ODAM: variants seen among roughly 807,000 people sequenced by gnomAD.
ODAM encodes odontogenic ameloblast-associated protein.
ODAM carries 55 observed loss-of-function variants against 48.5 expected under a neutral mutation model. The observed-to-expected ratio is 1.13, with a 90% CI of 0.91 to 1.42. ODAM has a LOEUF of 1.42. Among genes scored for constraint, ODAM ranks in the 40% most tolerant of loss-of-function variants. The pLI is 0.00. For missense variants in ODAM, 353 were observed against 323.6 expected, an observed-to-expected ratio of 1.09 and a Z score of -0.70; for synonymous variants, 127 against 107.8, an observed-to-expected ratio of 1.18 and a Z score of -1.10.
At chr4:70,199,642 G>T (rs1016801917) in intron 6 of ODAM, among the ~76,000 whole-genome samples, 55 of 151,816 alleles carry the variant, frequency 3.6e-4, no homozygotes, top group African/African-American at 1.1e-3. Flanking sequence ...AATTACAGAC[G>T]TCTGAACCCT....
chr4:70,202,406 T>G, intron 9 of ODAM, 77 bp downstream of exon 9: 2 of 1,130,558 alleles, frequency 1.8e-6, no homozygotes, highest in Non-Finnish European at 1.3e-6. Flanking sequence ...TTCATTTTAA[T>G]ATCAACTCTG....
chr4:70,202,945 C>CA (rs764711283), intron 10 of ODAM, 28 bp downstream of exon 10: 7 of 1,575,942 alleles, frequency 4.4e-6, no homozygotes, highest in East Asian at 2.3e-5. Flanking sequence ...TCACTTTATG[C>CA]AAAAAAATTG....
intron 7 of ODAM, among the ~76,000 whole-genome samples, chr4:70,201,018 T>C (rs1729482703): frequency 6.6e-6 from 1 of 151,992 alleles, no homozygotes; most frequent in South Asian, 2.1e-4. Context: ...GAGATACAAT[T>C]AGATACCATT....
At position 70,201,473 on chromosome 4, in the gene ODAM, T is replaced by C. The variant is rs199732114; in HGVS notation, c.548T>C (p.Phe183Ser). ...TGACAGATACCATTCTATGCTCAAT[T>C]TGGATACATTCCACAACTAGCAGAA... Reference protein sequence around the residue: ...YEEQIPFYAQFGYIPQLAEPA... With the variant: ...YEEQIPFYAQSGYIPQLAEPA... Residue 183 changes from phenylalanine (F) to serine (S), a missense_variant, in exon 8 of 12, where the codon TTT (phenylalanine) becomes TCT (serine). Coordinates refer to ENST00000683306, the MANE Select transcript of ODAM (RefSeq NM_017855.4). 35 of 1,520,250 alleles carry C rather than the reference T, an allele frequency of 2.3e-5. No homozygotes were observed. Among genetic ancestry groups the C allele is most frequent in the Non-Finnish European group, 3.1e-5 (34 of 1,100,542 alleles). The allele number at this position is 1,520,250 out of a possible 1,614,324, so 94.2% of individuals were successfully genotyped here. A position where few individuals can be genotyped will look rare whatever the true frequency, so the allele number is the denominator to read the frequency against.
intron 3 of ODAM, 66 bp from the exon 4 acceptor site, chr4:70,197,208 T>G: frequency 2.5e-6 from 2 of 791,972 alleles, no homozygotes; most frequent in East Asian, 2.5e-5. Flanking sequence ...ATATTTGCAG[T>G]AAACATTGTT....
chr4:70,201,500 C>G lies in ODAM; in HGVS notation c.575C>G (p.Pro192Arg), dbSNP rs751616425. ...QFGYIPQLAE[P>R]AISGGQQQLA... ...GGATACATTCCACAACTAGCAGAAC[C>G]TGTAAGTAAATGCATATTTTTCATT... Residue 192 changes from proline (P) to arginine (R), a missense_variant and splice_region_variant, in exon 8 of 12, where the codon CCT becomes CGT. Coordinates refer to ENST00000683306, the MANE Select transcript of ODAM (RefSeq NM_017855.4). 7 of 1,483,914 alleles carry G rather than the reference C, an allele frequency of 4.7e-6. No homozygotes were observed. The Middle Eastern group carries it at 6.9e-4, about 145-fold the overall frequency. The allele number at this position is 1,483,914 out of a possible 1,614,324, so 91.9% of individuals were successfully genotyped here.
intron 1 of ODAM, 65 bp from the exon 2 acceptor site, chr4:70,196,464 A>T: frequency 1.2e-6 from 1 of 869,424 alleles, no homozygotes; most frequent in Non-Finnish European, 1.8e-6. Context: ...GAACAATACT[A>T]ATTATTTTGT....
intron 9 of ODAM, 56 bp downstream of exon 9, chr4:70,202,385 C>T: frequency 7.7e-7 from 1 of 1,300,226 alleles, no homozygotes; most frequent in Non-Finnish European, 1.1e-6. Context: ...TGACAACTTA[C>T]TGCACTAATG....
At position 70,198,559 on chromosome 4, in the gene ODAM, A is replaced by G. The variant is rs778777145; in HGVS notation, c.376-20A>G. The G allele has an allele frequency of 9.5e-6, 15 of 1,573,108 alleles. No individual in the cohort carries two copies. In the South Asian group the frequency reaches 1.5e-4, roughly 16 times the overall value. ...AACAAAGTCAAGCATACATTTTTAT[A>G]TAATTCTTTTTTTTGGCAGGTGATG... On this transcript the variant is annotated intron_variant, in intron 5 of 11. Coordinates refer to ENST00000683306, the MANE Select transcript of ODAM (RefSeq NM_017855.4).
Position 70,197,265 on chromosome 4 carries a change from T to A in ODAM, c.94-9T>A. The A allele has an allele frequency of 7.8e-7, 1 of 1,280,254 alleles. No homozygotes were observed. Among genetic ancestry groups the A allele is most frequent in the Non-Finnish European group, 1.1e-6 (1 of 879,652 alleles). 79.3% of individuals were successfully genotyped at this position (1,280,254 alleles called of 1,614,324 possible). ...TAATCTTGATTTCATATTATTTTTC[T>A]TTTTCTAGTTACTTCTTAATCTTAA... On this transcript the variant is annotated splice_polypyrimidine_tract_variant and intron_variant, in intron 3 of 11. Coordinates refer to ENST00000683306, the MANE Select transcript of ODAM (RefSeq NM_017855.4).
intron 3 of ODAM, 85 bp from the exon 4 acceptor site, chr4:70,197,189 A>C: frequency 1.4e-6 from 1 of 723,554 alleles, no homozygotes; most frequent in Non-Finnish European, 2.5e-6. Context: ...ACCAGCTATG[A>C]CTTGTGCTAT....
intron 6 of ODAM, 29 bp from the exon 7 acceptor site, chr4:70,200,468 C>G (rs907262114): frequency 3.6e-5 from 44 of 1,223,776 alleles, no homozygotes; most frequent in Admixed American, 7.6e-5. Context: ...TTAATGGAAT[C>G]TCTTGTATCC....
chr4:70,202,919 T>C lies in ODAM; in HGVS notation c.810+2T>C. On this transcript the variant is annotated splice_donor_variant, in intron 10 of 11. Transcript: ENST00000683306. LOFTEE classifies it high-confidence loss of function. ...ACCCCAGAGCTCCCAGAAGAGAAGG[T>C]AGAGTCATGAAAACTTCACTTTATG... is the stretch of plus-strand genomic sequence containing the variant. 1 of 1,599,292 alleles carries C rather than the reference T, an allele frequency of 6.3e-7. No homozygotes were observed. Among genetic ancestry groups the C allele is most frequent in the Non-Finnish European group, 8.5e-7 (1 of 1,175,312 alleles).
In ODAM at chr4:70,200,507, A is replaced by G; in HGVS notation, c.434A>G (p.Tyr145Cys). The G allele has an allele frequency of 6.3e-7, 1 of 1,596,002 alleles. No individual in the cohort carries two copies. The highest frequency in any genetic ancestry group is 2.2e-5 in the East Asian group (1 of 44,556). Residue 145 changes from tyrosine (Y) to cysteine (C), a missense_variant, in exon 7 of 12, where the codon TAC (tyrosine) becomes TGC (cysteine). Transcript: ENST00000683306. ...TCTTTTTACAAGTAGATGTTTCAATACTATCCAGTTTACATGGTCCTACCC... is the reference window on the plus strand; with the variant it reads ...TCTTTTTACAAGTAGATGTTTCAATGCTATCCAGTTTACATGGTCCTACCC... ...MPQEQGQMFQ[Y>C]YPVYMVLPWE... is the part of the protein sequence containing the mutation.
chr4:70,202,728 A>G (rs2109820811), intron 9 of ODAM, 28 bp from the exon 10 acceptor site: 1 of 1,579,604 alleles, frequency 6.3e-7, no homozygotes, highest in South Asian at 1.2e-5. Flanking sequence ...ACTTACGACA[A>G]CTTTGTTTTC....
intron 4 of ODAM, 36 bp from the exon 5 acceptor site, chr4:70,197,888 A>C (rs781582342): frequency 6.4e-6 from 10 of 1,551,546 alleles, no homozygotes; most frequent in Non-Finnish European, 8.9e-6. Flanking sequence ...TTTTGGCATG[A>C]AGGGAACATG....
Position 70,201,464 on chromosome 4 carries a change from A to T in ODAM, c.539A>T (p.Tyr180Phe), listed in dbSNP as rs772261129. ...TAAAAAATCTGACAGATACCATTCT[A>T]TGCTCAATTTGGATACATTCCACAA... ...QQQYEEQIPF[Y>F]AQFGYIPQLA... The change falls in exon 8 of 12, where the codon TAT becomes TTT. Residue 180 changes from tyrosine to phenylalanine, a missense_variant. Tyr to Phe is a conservative substitution (Grantham distance 22). Transcript: ENST00000683306. 4.0e-6 allele frequency: 6 copies of T among 1,508,870 alleles called. No homozygotes were observed. Among genetic ancestry groups the T allele is most frequent in the Non-Finnish European group, 5.5e-6 (6 of 1,090,496 alleles). 93.5% of individuals were successfully genotyped at this position (1,508,870 alleles called of 1,614,324 possible).
chr4:70,203,243 G>T, intron 11 of ODAM, 29 bp downstream of exon 11: 1 of 1,263,570 alleles, frequency 7.9e-7, no homozygotes, highest in South Asian at 1.2e-5. Flanking sequence ...CAAGAATTAG[G>T]TGCCACGACA....
At chr4:70,201,568 A>G (rs900477335) in intron 8 of ODAM, 67 bp downstream of exon 8, 9 of 861,476 alleles carry the variant, frequency 1.0e-5, no homozygotes, top group African/African-American at 6.8e-5. Context: ...TACTAAATCT[A>G]TCAATGCCCT....
Sources: allele counts gnomAD v4.1 joint callset (sites outside exome capture counted in the v4.1 genomes callset), GRCh38; gene constraint gnomAD v4.1.1; transcripts MANE v1.5; gene names NCBI Gene and HGNC (gene_info 2026-07-23, HGNC 2026-07-21).